CPLANE1: variants seen among roughly 807,000 people sequenced by gnomAD.
The protein encoded by CPLANE1 is ciliogenesis and planar polarity effector 1.
Under a neutral mutation model 362.5 loss-of-function variants are expected in CPLANE1, and 263 were observed. The observed-to-expected ratio is 0.73, with a 90% CI of 0.66 to 0.80. The LOEUF is 0.80. Ranked by LOEUF, CPLANE1 falls within the 30% of genes least tolerant of loss-of-function variation. The pLI, the probability that CPLANE1 is intolerant of heterozygous loss-of-function variation, is 0.00. For synonymous variants in CPLANE1, 1,212 were observed against 1,302.6 expected, an observed-to-expected ratio of 0.93 and a Z score of 1.50; for missense variants, 3,461 against 3,793.4, an observed-to-expected ratio of 0.91 and a Z score of 2.30.
the CPLANE1 span, among the ~76,000 whole-genome samples, chr5:37,100,128 G>A: frequency 3.1e-3 from 471 of 152,158 alleles, 4 homozygotes; most frequent in South Asian, 0.019. Flanking sequence ...GATCCCATTC[G>A]TCAACTTTTG....
At chr5:37,245,666 A>C in intron 3 of CPLANE1, 44 bp downstream of exon 3, 1 of 1,476,290 alleles carries the variant, frequency 6.8e-7, no homozygotes, top group Non-Finnish European at 9.0e-7. Context: ...TAAGTTATTA[A>C]AAAATATAGT....
the CPLANE1 span, among the ~76,000 whole-genome samples, chr5:37,076,325 CT>C: frequency 3.3e-5 from 5 of 150,002 alleles, no homozygotes; most frequent in Non-Finnish European, 7.4e-5. Context: ...CTTTTTTTTT[CT>C]TTTGTTTTTG....
At position 37,162,354 on chromosome 5, in the gene CPLANE1, A is replaced by AAT. The variant is rs112687673; in HGVS notation, c.7690+109_7690+110dup. 5.6e-4 allele frequency: 368 copies of AAT among 661,174 alleles called. No individual in the cohort carries two copies. In the African/African-American group the frequency reaches 5.8e-3, roughly 10 times the overall value. The allele number at this position is 661,174 out of a possible 1,614,324, so 41.0% of individuals were successfully genotyped here. A position where few individuals can be genotyped will look rare whatever the true frequency, so the allele number is the denominator to read the frequency against. ...AAAGAAAAATCTAGGCAGAGTAAAT[A>AAT]ATATCACATAATTAAAAATTCCCTT... On this transcript the variant is annotated intron_variant, in intron 38 of 52. Coordinates refer to ENST00000651892, the MANE Select transcript of CPLANE1 (RefSeq NM_001384732.1).
rs1779009678 is a variant in CPLANE1 at position 37,168,895 on chromosome 5, T to C, written c.7129A>G (p.Arg2377Gly). The change falls in exon 34 of 53, where the codon AGA becomes GGA. Residue 2377 changes from arginine (R) to glycine (G), a missense_variant. Coordinates refer to ENST00000651892, the MANE Select transcript of CPLANE1 (RefSeq NM_001384732.1). The stretch of plus-strand genomic sequence containing the variant: ...GTTGAGGGAACTGTAATAGATGCTC[T>C]TGAGGTTGATGGAAACATATTAGGA... ...KPPNMFPSTSRASITVPSTPI... is the reference protein window; with the variant it reads ...KPPNMFPSTSGASITVPSTPI... 1 of 1,614,084 alleles carries C rather than the reference T, an allele frequency of 6.2e-7. No individual in the cohort carries two copies. The highest frequency in any genetic ancestry group is 1.3e-5 in the African/African-American group (1 of 74,928).
the CPLANE1 span, among the ~76,000 whole-genome samples, chr5:37,090,380 G>A: frequency 1.3e-5 from 2 of 152,118 alleles, no homozygotes; most frequent in African/African-American, 4.8e-5. Flanking sequence ...ACTTACTAAA[G>A]TCATCTATTC....
chr5:37,078,573 G>GTAT, the CPLANE1 span, among the ~76,000 whole-genome samples: 1 of 152,122 alleles, frequency 6.6e-6, no homozygotes, highest in Admixed American at 6.5e-5. Flanking sequence ...CCCAGCAATG[G>GTAT]TATTGCTGGG....
chr5:37,186,782 C>T (rs972433234), intron 23 of CPLANE1, among the ~76,000 whole-genome samples: 3 of 151,994 alleles, frequency 2.0e-5, no homozygotes, highest in African/African-American at 4.8e-5. Flanking sequence ...CACTATAGCC[C>T]GGCGCGGTGG....
chr5:37,097,135 G>C, the CPLANE1 span, among the ~76,000 whole-genome samples: 1 of 152,088 alleles, frequency 6.6e-6, no homozygotes, highest in African/African-American at 2.4e-5. Context: ...AATCACTTGA[G>C]GCCAGGAGTT....
intron 49 of CPLANE1, 35 bp downstream of exon 49, chr5:37,121,582 T>C: frequency 6.2e-7 from 1 of 1,602,714 alleles, no homozygotes; most frequent in Non-Finnish European, 8.5e-7. Flanking sequence ...GGCCTGACGT[T>C]ATCTTGCCAA....
the CPLANE1 span, among the ~76,000 whole-genome samples, chr5:37,088,189 G>A: frequency 8.5e-5 from 13 of 152,284 alleles, no homozygotes; most frequent in East Asian, 3.9e-4. Flanking sequence ...TTTATCAATC[G>A]GTTAACCCAG....
intron 51 of CPLANE1, among the ~76,000 whole-genome samples, chr5:37,113,113 G>C (rs959367426): frequency 1.3e-5 from 2 of 152,190 alleles, no homozygotes; most frequent in South Asian, 2.1e-4. Context: ...CTTTGAAAGA[G>C]AGAAAAGCTG....
chr5:37,245,988 T>C, intron 2 of CPLANE1, 143 bp from the exon 3 acceptor site: 1 of 819,612 alleles, frequency 1.2e-6, no homozygotes, highest in African/African-American at 1.7e-5. Context: ...AACATTAAGC[T>C]TAATACTCTA....
chr5:37,110,258 C>T (rs1025830014), intron 51 of CPLANE1, among the ~76,000 whole-genome samples: 2 of 152,144 alleles, frequency 1.3e-5, no homozygotes, highest in Non-Finnish European at 2.9e-5. Flanking sequence ...TCTCTCGTCA[C>T]CTTTCCACAC....
At chr5:37,093,499 C>T in the CPLANE1 span, among the ~76,000 whole-genome samples, 3 of 150,910 alleles carry the variant, frequency 2.0e-5, no homozygotes, top group Non-Finnish European at 3.0e-5. Context: ...AATCCCTTCA[C>T]ACTATAGATC....
chr5:37,227,222 T>C, intron 11 of CPLANE1, 21 bp downstream of exon 11: 1 of 1,545,808 alleles, frequency 6.5e-7, no homozygotes, highest in Non-Finnish European at 8.7e-7. Context: ...TCCAAGTAAA[T>C]AAAATTCTGC....
intron 44 of CPLANE1, chr5:37,141,294 C>G: frequency 1.0e-6 from 1 of 985,272 alleles, no homozygotes; most frequent in Non-Finnish European, 1.2e-6. Context: ...TAATTAGAAC[C>G]CTCTACCATC....
At chr5:37,120,153 A>G (rs1762229078) in intron 50 of CPLANE1, 63 bp downstream of exon 50, 5 of 1,524,102 alleles carry the variant, frequency 3.3e-6, no homozygotes, top group Admixed American at 2.2e-5. Context: ...TGAAAACACA[A>G]CTTTGGAGAC....
At chr5:37,222,805 T>C (rs749346421) in intron 14 of CPLANE1, among the ~76,000 whole-genome samples, 4 of 152,170 alleles carry the variant, frequency 2.6e-5, no homozygotes, top group Non-Finnish European at 5.9e-5. Context: ...AAATGTAACC[T>C]CTGTTCTCCA....
At position 37,132,560 on chromosome 5, in the gene CPLANE1, A is replaced by G. The variant is rs187688161; in HGVS notation, c.8792+6160T>C. Among the ~76,000 whole-genome samples the G allele has an allele frequency of 6.2e-3, 937 of 151,990 alleles. 4 individuals carry two copies. The highest frequency in any genetic ancestry group is 1.0e-2 in the Non-Finnish European group (679 of 67,930). ...ACGGGGTTTCACCATGTTAGCCAGG[A>G]TGGTCTCAATCTCCTGACCTTGTAA... is the stretch of plus-strand genomic sequence containing the variant. On this transcript the variant is annotated intron_variant, in intron 46 of 52. Transcript: ENST00000651892.
Sources: gnomAD v4.1 joint callset for allele counts (sites outside exome capture counted in the v4.1 genomes callset) on GRCh38, gnomAD v4.1.1 for gene constraint, MANE v1.5 for transcripts, NCBI Gene and HGNC (gene_info 2026-07-23, HGNC 2026-07-21) for gene names.